Variants in TMEM132C observed in about 807,000 individuals in gnomAD.
The protein encoded by TMEM132C is transmembrane protein 132C.
In TMEM132C, 29 loss-of-function variants were observed where a neutral mutation model predicts 61.4. The ratio of observed to expected loss-of-function variants is 0.47; its 90% CI spans 0.35 to 0.64. The LOEUF (loss-of-function observed/expected upper bound fraction) is 0.64. Among genes scored for constraint, TMEM132C ranks in the 30% least tolerant of loss-of-function variants. The pLI is 0.00. For synonymous variants in TMEM132C, 656 were observed against 633.1 expected, an observed-to-expected ratio of 1.04 and a Z score of -0.54; for missense variants, 1,408 against 1,476.9, an observed-to-expected ratio of 0.95 and a Z score of 0.76.
chr12:128,561,965 G>A (rs80260644), intron 3 of TMEM132C, among the ~76,000 whole-genome samples: 13,995 of 152,094 alleles, frequency 0.092, 2,068 homozygotes, highest in African/African-American at 0.31. Flanking sequence ...AGGGCAGTGG[G>A]GCAGAGAAGA....
At chr12:128,339,349 T>C (rs1309357359) in intron 1 of TMEM132C, among the ~76,000 whole-genome samples, 1 of 151,960 alleles carries the variant, frequency 6.6e-6, no homozygotes, top group African/African-American at 2.4e-5. Context: ...TGCTCTAATC[T>C]TGTCTGTGCT....
At chr12:128,564,441 G>A (rs530034441) in intron 3 of TMEM132C, among the ~76,000 whole-genome samples, 8 of 152,254 alleles carry the variant, frequency 5.3e-5, no homozygotes, top group South Asian at 4.1e-4. Context: ...AAACTGTGCC[G>A]CCTGGCCTGG....
At chr12:128,484,627 G>A (rs1871425618) in intron 2 of TMEM132C, among the ~76,000 whole-genome samples, 1 of 152,118 alleles carries the variant, frequency 6.6e-6, no homozygotes, top group Non-Finnish European at 1.5e-5. Context: ...ACAGCTGTGG[G>A]GAAACATTCC....
chr12:128,283,943 G>A (rs1348121852), intron 1 of TMEM132C, among the ~76,000 whole-genome samples: 1 of 152,208 alleles, frequency 6.6e-6, no homozygotes, highest in Non-Finnish European at 1.5e-5. Flanking sequence ...TCAGAAGCAG[G>A]AGGAAGAGGG....
At chr12:128,482,596 A>C (rs1444785076) in intron 2 of TMEM132C, among the ~76,000 whole-genome samples, 1 of 152,142 alleles carries the variant, frequency 6.6e-6, no homozygotes, top group Non-Finnish European at 1.5e-5. Flanking sequence ...CTGTGAATTC[A>C]TCTGGTTCTG....
intron 3 of TMEM132C, among the ~76,000 whole-genome samples, chr12:128,575,345 G>A (rs994005839): frequency 3.9e-5 from 6 of 152,182 alleles, no homozygotes; most frequent in Admixed American, 2.0e-4. Flanking sequence ...TGGACATGAT[G>A]ATGTGCACCT....
intron 4 of TMEM132C, among the ~76,000 whole-genome samples, chr12:128,665,901 A>G (rs1234288179): frequency 1.3e-5 from 2 of 149,038 alleles, no homozygotes; most frequent in Non-Finnish European, 3.0e-5. Context: ...AGCCACACAC[A>G]CATTCACAGG....
intron 1 of TMEM132C, chr12:128,289,165 C>G (rs1871173707): frequency 6.6e-6 from 1 of 152,272 alleles, no homozygotes; most frequent in Non-Finnish European, 1.5e-5. Flanking sequence ...CGCTCATACG[C>G]ATGCACTCAC....
chr12:128,276,177 A>G (rs1317914542), intron 1 of TMEM132C, among the ~76,000 whole-genome samples: 1 of 152,236 alleles, frequency 6.6e-6, no homozygotes, highest in African/African-American at 2.4e-5. Flanking sequence ...GAGGCCATGC[A>G]AACTATTGCA....
At chr12:128,683,230 A>G (rs1005501773) in intron 5 of TMEM132C, among the ~76,000 whole-genome samples, 7 of 152,116 alleles carry the variant, frequency 4.6e-5, no homozygotes. Context: ...ACAGAGTCCC[A>G]TCTGCCAAGC....
At chr12:128,490,528 G>A (rs560188602) in intron 2 of TMEM132C, among the ~76,000 whole-genome samples, 1 of 152,284 alleles carries the variant, frequency 6.6e-6, no homozygotes, top group Admixed American at 6.5e-5. Context: ...GGAGACCTAA[G>A]CCAGTGAATA....
intron 3 of TMEM132C, among the ~76,000 whole-genome samples, chr12:128,581,990 C>G (rs1875352679): frequency 6.6e-6 from 1 of 152,212 alleles, no homozygotes; most frequent in South Asian, 2.1e-4. Context: ...ACACCCAACT[C>G]TGTGGCAGAC....
chr12:128,453,607 AC>A (rs757147017), intron 2 of TMEM132C, among the ~76,000 whole-genome samples: 97 of 152,294 alleles, frequency 6.4e-4, no homozygotes, highest in Admixed American at 2.5e-3. Flanking sequence ...TTGCAAGCAG[AC>A]AAGAAGGGTG....
At chr12:128,356,429 T>C (rs1283661085) in intron 1 of TMEM132C, among the ~76,000 whole-genome samples, 2 of 152,206 alleles carry the variant, frequency 1.3e-5, no homozygotes, top group Non-Finnish European at 2.9e-5. Context: ...GTCGACTCCA[T>C]GTATACCCAC....
At chr12:128,357,360 C>T (rs1302700673) in intron 1 of TMEM132C, among the ~76,000 whole-genome samples, 3 of 152,190 alleles carry the variant, frequency 2.0e-5, no homozygotes, top group South Asian at 2.1e-4. Context: ...TCCAAAATAC[C>T]CACAAGTGGC....
intron 1 of TMEM132C, among the ~76,000 whole-genome samples, chr12:128,281,638 A>G (rs1227444423): frequency 6.6e-6 from 1 of 152,170 alleles, no homozygotes; most frequent in Admixed American, 6.5e-5. Context: ...TGGTTCTTGT[A>G]TCTGCTGGAT....
intron 1 of TMEM132C, among the ~76,000 whole-genome samples, chr12:128,404,098 G>C (rs1429035037): frequency 1.3e-5 from 2 of 152,172 alleles, no homozygotes; most frequent in Non-Finnish European, 2.9e-5. Context: ...GTCACCAAGT[G>C]TTTCTCAAGA....
At chr12:128,520,951 G>C (rs187010114) in intron 2 of TMEM132C, among the ~76,000 whole-genome samples, 69 of 152,148 alleles carry the variant, frequency 4.5e-4, no homozygotes, top group African/African-American at 1.7e-3. Flanking sequence ...AACATCCCCT[G>C]AGTCTGCCTC....
At chr12:128,506,159 C>T (rs1022820963) in intron 2 of TMEM132C, among the ~76,000 whole-genome samples, 6 of 152,256 alleles carry the variant, frequency 3.9e-5, no homozygotes, top group South Asian at 4.1e-4. Flanking sequence ...TACCCATGGT[C>T]GGCAGCTAGC....
Sources: allele counts gnomAD v4.1 joint callset (sites outside exome capture counted in the v4.1 genomes callset), GRCh38; gene constraint gnomAD v4.1.1; transcripts MANE v1.5; gene names NCBI Gene and HGNC (gene_info 2026-07-23, HGNC 2026-07-21).